STX5: variants seen among roughly 807,000 people sequenced by gnomAD.
STX5 encodes syntaxin 5.
Under a neutral mutation model 42.9 loss-of-function variants are expected in STX5, and 15 were observed. The observed-to-expected ratio is 0.35, with a 90% CI of 0.23 to 0.54. The LOEUF (loss-of-function observed/expected upper bound fraction) is 0.54, where lower values mean the gene tolerates loss of function less well. STX5 is among the 20% of genes least tolerant of loss of function. The probability of loss-of-function intolerance (pLI) is 0.91; values close to 1 mark genes in which losing one functional copy is unlikely to be tolerated. For synonymous variants in STX5, 184 were observed against 173.2 expected, an observed-to-expected ratio of 1.06 and a Z score of -0.49; for missense variants, 430 against 455.0, an observed-to-expected ratio of 0.95 and a Z score of 0.50.
intron 1 of STX5, 76 bp downstream of exon 1, chr11:62,831,878 G>A (rs1369221479): frequency 6.7e-6 from 3 of 445,896 alleles, no homozygotes; most frequent in Admixed American, 2.4e-5. Context: ...CCTTCCCCCC[G>A]CCAGTCGTCG....
chr11:62,830,094 A>G (rs2084839552), intron 2 of STX5, among the ~76,000 whole-genome samples: 3 of 143,178 alleles, frequency 2.1e-5, no homozygotes, highest in South Asian at 4.6e-4. Context: ...AAAGAGAGAG[A>G]GGAAGAGACT....
intron 2 of STX5, among the ~76,000 whole-genome samples, chr11:62,830,083 AAAAGAGAG>A (rs2084839129): frequency 6.6e-6 from 1 of 150,566 alleles, no homozygotes; most frequent in Non-Finnish European, 1.5e-5. Context: ...AAAAAAAAAA[AAAAGAGAG>A]AGAGGAAGAG....
chr11:62,807,714 A>G (rs893215874), intron 10 of STX5, 86 bp from the exon 11 acceptor site: 2 of 1,561,182 alleles, frequency 1.3e-6, no homozygotes, highest in Non-Finnish European at 1.7e-6. Context: ...ACATGGAAAG[A>G]TGGTCACAAT....
At chr11:62,826,582 TAAATA>T (rs1389858891) in intron 5 of STX5, among the ~76,000 whole-genome samples, 1 of 148,618 alleles carries the variant, frequency 6.7e-6, no homozygotes, top group Non-Finnish European at 1.5e-5. Flanking sequence ...AATAAATAAA[TAAATA>T]AAATAAAAGT....
At chr11:62,816,680 C>G (rs1273406021) in intron 10 of STX5, among the ~76,000 whole-genome samples, 1 of 149,830 alleles carries the variant, frequency 6.7e-6, no homozygotes, top group Non-Finnish European at 1.5e-5. Flanking sequence ...TTAGAGCTGT[C>G]CATTCTCCAC....
chr11:62,819,220 GAAAAAAAAAAAAAAA>G (rs57390432), intron 10 of STX5, among the ~76,000 whole-genome samples: 27 of 29,642 alleles, frequency 9.1e-4, no homozygotes, highest in South Asian at 5.1e-3. Context: ...GACTCTGTCT[GAAAAAAAAAAAAAAA>G]AAAAAAAAAA....
chr11:62,826,120 G>T (rs1349818808), intron 5 of STX5, among the ~76,000 whole-genome samples: 2 of 152,134 alleles, frequency 1.3e-5, no homozygotes, highest in African/African-American at 4.8e-5. Context: ...TGGGTGTGGT[G>T]GCGCGCGCCT....
At chr11:62,809,730 G>A (rs1166849332) in intron 10 of STX5, among the ~76,000 whole-genome samples, 1 of 140,362 alleles carries the variant, frequency 7.1e-6, no homozygotes, top group Non-Finnish European at 1.5e-5. Flanking sequence ...TCAGGAGAAT[G>A]CCTTATTATT....
chr11:62,813,413 A>G (rs1400231010), intron 10 of STX5, among the ~76,000 whole-genome samples: 1 of 152,098 alleles, frequency 6.6e-6, no homozygotes, highest in Non-Finnish European at 1.5e-5. Flanking sequence ...TAGTTCCCAA[A>G]CCTGGATGCT....
At position 62,822,675 on chromosome 11, in the gene STX5, CT is replaced by C. The variant is rs56767185; in HGVS notation, c.908+1490del. Among the ~76,000 whole-genome samples the C allele has an allele frequency of 3.5e-3, 456 of 129,850 alleles. 1 individual carries two copies. Among genetic ancestry groups the C allele is most frequent in the East Asian group, 6.1e-3 (28 of 4,558 alleles). The allele number at this position is 129,850 out of a possible 152,430, so 85.2% of individuals were successfully genotyped here. On this transcript the variant is annotated intron_variant, in intron 10 of 10. Transcript: ENST00000294179. ...GATTAGTTTATCCTGTGTTGACTATCTTTTTTTTTTTTTTTGGCATTTACGA... is the reference window on the plus strand; with the variant it reads ...GATTAGTTTATCCTGTGTTGACTATCTTTTTTTTTTTTTTGGCATTTACGA...
rs371601590 is a variant in STX5 at position 62,825,549 on chromosome 11, G to C, written c.424-10C>G. 1 of 1,612,254 alleles carries C rather than the reference G, an allele frequency of 6.2e-7. No homozygotes were observed. Among genetic ancestry groups the C allele is most frequent in the Admixed American group, 1.7e-5 (1 of 59,980 alleles). On this transcript the variant is annotated splice_polypyrimidine_tract_variant and intron_variant, in intron 5 of 10. Transcript: ENST00000294179. ...TGAGGCTATTGATGTCCTGGTAAAAGAGTCCAAGGAAAAACAAAGTATTAG... is the reference window on the plus strand; with the variant it reads ...TGAGGCTATTGATGTCCTGGTAAAACAGTCCAAGGAAAAACAAAGTATTAG...
chr11:62,829,566 C>A (rs1375081602), intron 2 of STX5, among the ~76,000 whole-genome samples: 2 of 151,854 alleles, frequency 1.3e-5, no homozygotes, highest in African/African-American at 4.8e-5. Flanking sequence ...AAGTTCGAGA[C>A]CAGCCTGGGC....
chr11:62,810,066 T>C (rs2084599505), intron 10 of STX5, among the ~76,000 whole-genome samples: 1 of 135,762 alleles, frequency 7.4e-6, no homozygotes, highest in African/African-American at 2.8e-5. Flanking sequence ...CTCGCACCAC[T>C]GCACTCCAAC....
chr11:62,810,499 G>A (rs1203793751), intron 10 of STX5, among the ~76,000 whole-genome samples: 1 of 152,096 alleles, frequency 6.6e-6, no homozygotes, highest in Non-Finnish European at 1.5e-5. Context: ...ACAGGTGAAG[G>A]GAATATGAGT....
rs1337695954 is a variant in STX5 at position 62,827,380 on chromosome 11, A to G, written c.315T>C (p.Leu105=). Residue 105 remains leucine, a synonymous_variant, in exon 4 of 11, where the codon CTT becomes CTC. Transcript: ENST00000294179. ...TLMAKRIGKD[L]SNTFAKLEKL... is the part of the protein sequence containing the mutation. Reference sequence around the variant, plus strand: ...TCTCCAGCTTGGCAAATGTGTTGCTAAGGTCTTTCCCAATGCGCCTGCAAA... The same window carrying G: ...TCTCCAGCTTGGCAAATGTGTTGCTGAGGTCTTTCCCAATGCGCCTGCAAA... 5.0e-6 allele frequency: 8 copies of G among 1,614,094 alleles called. No individual in the cohort carries two copies. Among genetic ancestry groups the G allele is most frequent in the Non-Finnish European group, 6.8e-6 (8 of 1,180,046 alleles).
chr11:62,827,247 C>G, intron 4 of STX5, 22 bp from the exon 5 acceptor site: 1 of 1,614,090 alleles, frequency 6.2e-7, no homozygotes, highest in Non-Finnish European at 8.5e-7. Flanking sequence ...AACAAGAAGC[C>G]ACAATGGGTG....
chr11:62,824,135 CCT>C, intron 10 of STX5, 29 bp downstream of exon 10: 1 of 1,614,038 alleles, frequency 6.2e-7, no homozygotes, highest in South Asian at 1.1e-5. Flanking sequence ...AGAGAAAGCT[CCT>C]CTGTTTGGGG....
chr11:62,807,775 A>G (rs1181087229), intron 10 of STX5, 147 bp from the exon 11 acceptor site: 1 of 1,400,724 alleles, frequency 7.1e-7, no homozygotes, highest in Non-Finnish European at 9.5e-7. Context: ...TTGGAAGGGT[A>G]CTATAAACAA....
At chr11:62,823,752 G>A (rs2084764199) in intron 10 of STX5, among the ~76,000 whole-genome samples, 1 of 151,942 alleles carries the variant, frequency 6.6e-6, no homozygotes, top group Non-Finnish European at 1.5e-5. Flanking sequence ...TTGCTTTGTT[G>A]CCCAAACTGG....
Sources: allele counts gnomAD v4.1 joint callset (sites outside exome capture counted in the v4.1 genomes callset), GRCh38; gene constraint gnomAD v4.1.1; transcripts MANE v1.5; gene names NCBI Gene and HGNC (gene_info 2026-07-23, HGNC 2026-07-21).